LY6K: variants seen among roughly 807,000 people sequenced by gnomAD.
LY6K encodes lymphocyte antigen 6 family member K, also known as lymphocyte antigen 6K.
A neutral mutation model predicts 10.4 loss-of-function variants in LY6K; 9 were observed. The observed-to-expected ratio is 0.87, with a 90% CI of 0.52 to 1.52. LY6K has a LOEUF of 1.52. Among genes scored for constraint, LY6K ranks in the 40% most tolerant of loss-of-function variants. The pLI, the probability that LY6K is intolerant of heterozygous loss-of-function variation, is 0.00. For synonymous variants in LY6K, 98 were observed against 83.7 expected, an observed-to-expected ratio of 1.17 and a Z score of -0.94; for missense variants, 217 against 211.7, an observed-to-expected ratio of 1.02 and a Z score of -0.15.
At position 142,703,505 on chromosome 8, in the gene LY6K, G is replaced by T; in HGVS notation, c.*134G>T. On this transcript the variant is annotated 3_prime_UTR_variant, in exon 3 of 3. Transcript: ENST00000292430. ...CCCAGGGTCTTGGGATGGGAGAGTG[G>T]GGATCAGGTGCAGTTGGCTCTTAAC... The T allele has an allele frequency of 9.2e-7, 1 of 1,083,774 alleles. No individual in the cohort carries two copies. The highest frequency in any genetic ancestry group is 1.7e-5 in the South Asian group (1 of 60,062). The allele number at this position is 1,083,774 out of a possible 1,614,324, so 67.1% of individuals were successfully genotyped here.
At chr8:142,702,254 C>A (rs374817705) in intron 2 of LY6K, 3 of 533,166 alleles carry the variant, frequency 5.6e-6, no homozygotes, top group Admixed American at 3.1e-5. Context: ...TCATATCATC[C>A]ATTTTTAAAT....
At chr8:142,701,935 G>A in intron 2 of LY6K, 1 of 475,974 alleles carries the variant, frequency 2.1e-6, no homozygotes. Context: ...TCAGCCTCCA[G>A]AGTAGCTGGT....
At chr8:142,702,166 G>A (rs1183316926) in intron 2 of LY6K, 3 of 374,554 alleles carry the variant, frequency 8.0e-6, no homozygotes, top group African/African-American at 4.1e-5. Flanking sequence ...AGAGGTGTAG[G>A]AACTGTGCTA....
chr8:142,700,460 T>C lies in LY6K; in HGVS notation c.-68T>C. 1.3e-6 allele frequency: 2 copies of C among 1,508,594 alleles called. No homozygotes were observed. The highest frequency in any genetic ancestry group is 1.8e-6 in the Non-Finnish European group (2 of 1,130,212). 93.5% of individuals were successfully genotyped at this position (1,508,594 alleles called of 1,614,324 possible). A position where few individuals can be genotyped will look rare whatever the true frequency, so the allele number is the denominator to read the frequency against. ...GACCCGGGGAGAGGCGCGCGGAGGC[T>C]GCGAAGGTTCCAGAAGGGCGGGGAG... On this transcript the variant is annotated 5_prime_UTR_variant, in exon 1 of 3. Coordinates refer to ENST00000292430, the MANE Select transcript of LY6K (RefSeq NM_017527.4).
chr8:142,702,734 A>T, intron 2 of LY6K: 1 of 1,490,188 alleles, frequency 6.7e-7, no homozygotes, highest in Non-Finnish European at 9.0e-7. Context: ...GGCCAGCTCC[A>T]CACCCTGGGT....
In LY6K at chr8:142,700,197, A is replaced by G. The variant is rs1383428769; in HGVS notation, c.-331A>G. On this transcript the variant is annotated 5_prime_UTR_variant, in exon 1 of 3. Coordinates refer to ENST00000292430, the MANE Select transcript of LY6K (RefSeq NM_017527.4). ...ACTTTCTGTGGGCCGTGGGGTCCTC[A>G]AGGAGACGGCCCTTGGGCTCAGGGG... The G allele has an allele frequency of 2.0e-6, 1 of 503,284 alleles. No individual in the cohort carries two copies. The highest frequency in any genetic ancestry group is 2.1e-5 in the African/African-American group (1 of 48,264). The allele number at this position is 503,284 out of a possible 1,614,324, so 31.2% of individuals were successfully genotyped here. A position where few individuals can be genotyped will look rare whatever the true frequency, so the allele number is the denominator to read the frequency against.
chr8:142,702,704 T>G lies in LY6K; in HGVS notation c.218-387T>G. The G allele has an allele frequency of 2.4e-5, 36 of 1,501,370 alleles. No homozygotes were observed. The South Asian group carries it at 4.5e-4, about 19-fold the overall frequency. 93.0% of individuals were successfully genotyped at this position (1,501,370 alleles called of 1,614,324 possible). On this transcript the variant is annotated intron_variant, in intron 2 of 2. Coordinates refer to ENST00000292430, the MANE Select transcript of LY6K (RefSeq NM_017527.4). ...ATGAGACAAGACCCCCAGCTCAGAG[T>G]CGAGCCAGGCCCACCAAGAGGCCAG...
rs1190288966 is a variant in LY6K, at chr8:142,704,413, AT to A, written c.*1043del. The stretch of plus-strand genomic sequence containing the variant: ...TAACCAAATCAGGCCTGGAAGGTGT[AT>A]GCCTAGTGATTTCCCATTGAAACTC... On this transcript the variant is annotated 3_prime_UTR_variant, in exon 3 of 3. Transcript: ENST00000292430. 1 of 152,218 alleles carries A rather than the reference AT, an allele frequency of 6.6e-6. No individual in the cohort carries two copies. The highest frequency in any genetic ancestry group is 2.4e-5 in the African/African-American group (1 of 41,446). The allele number at this position is 152,218 out of a possible 1,614,324, so 9.4% of individuals were successfully genotyped here. A position where few individuals can be genotyped will look rare whatever the true frequency, so the allele number is the denominator to read the frequency against.
chr8:142,700,619 C>G lies in LY6K; in HGVS notation c.92C>G (p.Ser31Cys), dbSNP rs1479627808. The change falls in exon 1 of 3, where the codon TCC (serine) becomes TGC (cysteine). Residue 31 changes from serine to cysteine, a missense_variant. Ser to Cys is a moderately radical substitution (Grantham distance 112). Coordinates refer to ENST00000292430, the MANE Select transcript of LY6K (RefSeq NM_017527.4). Reference protein sequence around the residue: ...LTARQRDPEDSQRTDEGDNRV... With the variant: ...LTARQRDPEDCQRTDEGDNRV... The stretch of plus-strand genomic sequence containing the variant: ...GCGAGACAACGAGATCCAGAGGACT[C>G]CCAGCGAACGGGTGAGCCTGGCTCG... The G allele has an allele frequency of 1.3e-6, 2 of 1,559,694 alleles. No homozygotes were observed. Among genetic ancestry groups the G allele is most frequent in the Non-Finnish European group, 1.7e-6 (2 of 1,154,818 alleles).
chr8:142,702,683 G>C, intron 2 of LY6K: 1 of 1,513,414 alleles, frequency 6.6e-7, no homozygotes, highest in Non-Finnish European at 8.9e-7. Context: ...GTGGTCATGA[G>C]ACAAGACCCC....
intron 1 of LY6K, 142 bp downstream of exon 1, chr8:142,700,772 G>T (rs1362433973): frequency 9.0e-6 from 8 of 889,998 alleles, no homozygotes; most frequent in Non-Finnish European, 1.2e-5. Context: ...AGCCTCTGGG[G>T]AGCCTCGCCT....
intron 1 of LY6K, 97 bp downstream of exon 1, chr8:142,700,727 AG>A: frequency 8.0e-7 from 1 of 1,252,618 alleles, no homozygotes; most frequent in Admixed American, 4.2e-5. Context: ...CCAGGCCGTG[AG>A]AACGGAGCGT....
In LY6K at chr8:142,700,420, TC is replaced by T; in HGVS notation, c.-103del. 7.3e-7 allele frequency: 1 copy of T among 1,367,732 alleles called. No homozygotes were observed. The highest frequency in any genetic ancestry group is 9.4e-7 in the Non-Finnish European group (1 of 1,061,732). The allele number at this position is 1,367,732 out of a possible 1,614,324, so 84.7% of individuals were successfully genotyped here. ...GCGCGCGCCCCGGGGCGGGCGGGGC[TC>T]CCCCTACCGGCCAGACCCGGGGAGA... On this transcript the variant is annotated 5_prime_UTR_variant, in exon 1 of 3. Transcript: ENST00000292430.
At chr8:142,700,651 A>G (rs782073494) in intron 1 of LY6K, 21 bp downstream of exon 1, 2 of 1,490,808 alleles carry the variant, frequency 1.3e-6, no homozygotes, top group South Asian at 1.3e-5. Context: ...CTCGCCCTCC[A>G]CAGCCACGGG....
Position 142,700,378 on chromosome 8 carries a change from G to C in LY6K, c.-150G>C. The C allele has an allele frequency of 7.5e-7, 1 of 1,341,742 alleles. No individual in the cohort carries two copies. Among genetic ancestry groups the C allele is most frequent in the Non-Finnish European group, 9.5e-7 (1 of 1,051,024 alleles). 83.1% of individuals were successfully genotyped at this position (1,341,742 alleles called of 1,614,324 possible). ...GATGAGGCTCCAAAGACCCCGACAG[G>C]CCCCGGCGGGTGGGAGGCGCGCGCC... On this transcript the variant is annotated 5_prime_UTR_variant, in exon 1 of 3. Transcript: ENST00000292430.
chr8:142,701,830 T>A (rs1331936910), intron 2 of LY6K, 117 bp downstream of exon 2: 5 of 686,376 alleles, frequency 7.3e-6, no homozygotes, highest in Non-Finnish European at 1.0e-5. Context: ...GCCTTTTTTT[T>A]TTTTTATTTT....
At position 142,703,548 on chromosome 8, in the gene LY6K, C is replaced by G; in HGVS notation, c.*177C>G. The G allele has an allele frequency of 2.9e-6, 2 of 680,148 alleles. No homozygotes were observed. Among genetic ancestry groups the G allele is most frequent in the Admixed American group, 6.1e-5 (2 of 32,902 alleles). The allele number at this position is 680,148 out of a possible 1,614,324, so 42.1% of individuals were successfully genotyped here. ...CTCTTAACCCTCAAGGGTTCTTTAA[C>G]TCACATTCAGAGGAAGTCCAGATCT... On this transcript the variant is annotated 3_prime_UTR_variant, in exon 3 of 3. Coordinates refer to ENST00000292430, the MANE Select transcript of LY6K (RefSeq NM_017527.4).
At chr8:142,703,011 C>G in intron 2 of LY6K, 80 bp from the exon 3 acceptor site, 1 of 1,587,358 alleles carries the variant, frequency 6.3e-7, no homozygotes, top group Non-Finnish European at 8.6e-7. Context: ...AGGGGTGAGG[C>G]TTTGACCCAG....
At chr8:142,701,016 G>C (rs1007136882) in intron 1 of LY6K, among the ~76,000 whole-genome samples, 1 of 151,832 alleles carries the variant, frequency 6.6e-6, no homozygotes, top group African/African-American at 2.4e-5. Flanking sequence ...GAGGGAGTCG[G>C]GGGGCAGGAC....
Sources: gnomAD v4.1 joint callset for allele counts (sites outside exome capture counted in the v4.1 genomes callset) on GRCh38, gnomAD v4.1.1 for gene constraint, MANE v1.5 for transcripts, NCBI Gene and HGNC (gene_info 2026-07-23, HGNC 2026-07-21) for gene names.